FAF1: variants seen among roughly 807,000 people sequenced by gnomAD.
FAF1 encodes the protein Fas associated factor 1, also known as FAS-associated factor 1.
Under a neutral mutation model 92.5 loss-of-function variants are expected in FAF1, and 25 were observed. The ratio of observed to expected loss-of-function variants is 0.27; its 90% CI spans 0.20 to 0.38. The LOEUF is 0.38. Ranked by LOEUF, FAF1 falls within the 10% of genes least tolerant of loss-of-function variation. The probability of loss-of-function intolerance (pLI) is 1.00; values close to 1 mark genes in which losing one functional copy is unlikely to be tolerated. For missense variants in FAF1, 636 were observed against 793.3 expected, an observed-to-expected ratio of 0.80 and a Z score of 2.38; for synonymous variants, 234 against 273.2, an observed-to-expected ratio of 0.86 and a Z score of 1.42.
intron 17 of FAF1, among the ~76,000 whole-genome samples, chr1:50,487,486 C>T (rs896436626): frequency 2.0e-4 from 30 of 152,212 alleles, no homozygotes; most frequent in African/African-American, 7.0e-4. Flanking sequence ...ATGTAAGTTT[C>T]TTGAAACTGA....
chr1:50,705,875 A>G lies in FAF1; in HGVS notation c.568T>C (p.Leu190=). ...ATGATCAGCATGAAGTTTTGATTTAATGACTCCTGCAGGGCACTGAAAGGG... is the reference window on the plus strand; with the variant it reads ...ATGATCAGCATGAAGTTTTGATTTAGTGACTCCTGCAGGGCACTGAAAGGG... The part of the protein sequence containing the change: ...SSHAGALQES[L]NQNFMLIITH... The change falls in exon 7 of 19, where the codon TTA becomes CTA. Residue 190 remains leucine (L), a synonymous_variant. Coordinates refer to ENST00000396153, the MANE Select transcript of FAF1 (RefSeq NM_007051.3). 1 of 1,609,736 alleles carries G rather than the reference A, an allele frequency of 6.2e-7. No homozygotes were observed. The highest frequency in any genetic ancestry group is 8.5e-7 in the Non-Finnish European group (1 of 1,176,310).
In FAF1 at chr1:50,659,395, T is replaced by C. The variant is rs537510921; in HGVS notation, c.658-3867A>G. Among the ~76,000 whole-genome samples, 5 of 152,174 alleles carry C rather than the reference T, an allele frequency of 3.3e-5. 1 individual carries two copies. Among genetic ancestry groups the C allele is most frequent in the African/African-American group, 1.2e-4 (5 of 41,508 alleles). ...GAAAGAGAGGGGGAAGGACACTGAT[T>C]GATTTGGGACTTGAGAGCACTTTAG... On this transcript the variant is annotated intron_variant, in intron 7 of 18. Coordinates refer to ENST00000396153, the MANE Select transcript of FAF1 (RefSeq NM_007051.3).
rs116412718 is a variant in FAF1, at chr1:50,752,459, G to A, written c.368-7684C>T. On this transcript the variant is annotated intron_variant, in intron 4 of 18. Transcript: ENST00000396153. ...TCACCTTATAGTCCATGTAATGTAC[G>A]TAGGCGCTTCTTTCATTCCCAATAT... 6.7e-3 allele frequency among the ~76,000 whole-genome samples: 1,015 copies of A among 152,198 alleles called. 7 individuals are homozygous for A. Among genetic ancestry groups the A allele is most frequent in the Non-Finnish European group, 0.011 (743 of 68,016 alleles).
intron 9 of FAF1, among the ~76,000 whole-genome samples, chr1:50,592,562 T>C (rs1179739565): frequency 6.6e-6 from 1 of 152,206 alleles, no homozygotes; most frequent in East Asian, 1.9e-4. Context: ...AAAGGAAATA[T>C]AACTACAATC....
intron 17 of FAF1, among the ~76,000 whole-genome samples, chr1:50,488,553 G>C (rs1361367097): frequency 6.6e-6 from 1 of 152,156 alleles, no homozygotes; most frequent in Non-Finnish European, 1.5e-5. Flanking sequence ...TATATTTCTT[G>C]AAATAGCCTA....
At chr1:50,591,436 G>A (rs1651501258) in intron 9 of FAF1, among the ~76,000 whole-genome samples, 1 of 152,146 alleles carries the variant, frequency 6.6e-6, no homozygotes, top group Non-Finnish European at 1.5e-5. Context: ...ACTTTGGAAG[G>A]GCGTGGCAGG....
intron 15 of FAF1, among the ~76,000 whole-genome samples, chr1:50,494,679 G>C (rs1332737144): frequency 1.3e-5 from 2 of 152,114 alleles, no homozygotes; most frequent in African/African-American, 4.8e-5. Context: ...TTGTGTATTT[G>C]TCTCACTGGT....
In FAF1 at chr1:50,682,093, C is replaced by A. The variant is rs1476352929; in HGVS notation, c.657+23693G>T. ...CAAGCAATCCACCCACTTTGGCCTC[C>A]CAAAGTGAAGGGATTACAGGTGTGA... On this transcript the variant is annotated intron_variant, in intron 7 of 18. Transcript: ENST00000396153. Among the ~76,000 whole-genome samples the A allele has an allele frequency of 2.0e-5, 3 of 152,058 alleles. 1 individual carries two copies. Among genetic ancestry groups the A allele is most frequent in the South Asian group, 4.2e-4 (2 of 4,812 alleles).
At chr1:50,840,652 TA>T (rs1644248485) in intron 2 of FAF1, among the ~76,000 whole-genome samples, 5 of 152,154 alleles carry the variant, frequency 3.3e-5, no homozygotes, top group Admixed American at 2.0e-4. Context: ...AAGTATTCCA[TA>T]ATGCCTAGTG....
At chr1:50,512,582 C>G (rs1450670587) in intron 15 of FAF1, among the ~76,000 whole-genome samples, 1 of 152,086 alleles carries the variant, frequency 6.6e-6, no homozygotes, top group Non-Finnish European at 1.5e-5. Flanking sequence ...TGTTCTGTTC[C>G]ATTGGTCTAT....
chr1:50,771,878 G>A (rs537344425), intron 4 of FAF1, among the ~76,000 whole-genome samples: 67 of 152,300 alleles, frequency 4.4e-4, no homozygotes, highest in African/African-American at 1.6e-3. Context: ...GCTAGCCTGG[G>A]TGATAAGAGT....
chr1:50,573,317 T>C (rs957513709), intron 12 of FAF1, among the ~76,000 whole-genome samples: 9 of 152,162 alleles, frequency 5.9e-5, no homozygotes, highest in Non-Finnish European at 8.8e-5. Flanking sequence ...CAGGCTGGTC[T>C]TGAACTCCTG....
intron 1 of FAF1, among the ~76,000 whole-genome samples, chr1:50,907,477 C>CT (rs1310341591): frequency 2.6e-5 from 4 of 152,168 alleles, no homozygotes; most frequent in African/African-American, 9.7e-5. Flanking sequence ...CCTTGTACCT[C>CT]TGGTAGAATT....
chr1:50,548,278 C>G (rs17106281), intron 13 of FAF1, among the ~76,000 whole-genome samples: 3,645 of 152,086 alleles, frequency 0.024, 148 homozygotes, highest in African/African-American at 0.083. Flanking sequence ...TTACTGGGGC[C>G]TACATTTAGT....
At chr1:50,807,238 C>A (rs1662240537) in intron 2 of FAF1, among the ~76,000 whole-genome samples, 1 of 152,192 alleles carries the variant, frequency 6.6e-6, no homozygotes, top group African/African-American at 2.4e-5. Context: ...AAAACACGGT[C>A]ACAGGTGTAT....
In FAF1 at chr1:50,477,432, T is replaced by C. The variant is rs566817873; in HGVS notation, c.1654-1753A>G. ...CAGCCCAATACTCTCATTTTTTATA[T>C]GGGGAAATTGATGCCCAGAAATGGA... is the stretch of plus-strand genomic sequence containing the variant. On this transcript the variant is annotated intron_variant, in intron 17 of 18. Coordinates refer to ENST00000396153, the MANE Select transcript of FAF1 (RefSeq NM_007051.3). Among the ~76,000 whole-genome samples the C allele has an allele frequency of 1.6e-3, 243 of 152,312 alleles. 2 individuals are homozygous for C. The highest frequency in any genetic ancestry group is 2.5e-3 in the Non-Finnish European group (173 of 68,000).
intron 9 of FAF1, among the ~76,000 whole-genome samples, chr1:50,595,892 C>G (rs1216178943): frequency 6.6e-6 from 1 of 152,086 alleles, no homozygotes; most frequent in Non-Finnish European, 1.5e-5. Context: ...TCATTTCAAC[C>G]AATCCATCTG....
intron 17 of FAF1, among the ~76,000 whole-genome samples, chr1:50,476,141 T>C (rs1379103063): frequency 2.0e-5 from 3 of 152,170 alleles, no homozygotes; most frequent in African/African-American, 4.8e-5. Context: ...TATGTCAAAA[T>C]GGAATGAGGA....
intron 1 of FAF1, among the ~76,000 whole-genome samples, chr1:50,923,882 T>C (rs1644984597): frequency 6.6e-6 from 1 of 152,230 alleles, no homozygotes; most frequent in South Asian, 2.1e-4. Context: ...AACATCCATT[T>C]CTGATAAAAA....
Sources: allele counts gnomAD v4.1 joint callset (sites outside exome capture counted in the v4.1 genomes callset), GRCh38; gene constraint gnomAD v4.1.1; transcripts MANE v1.5; gene names NCBI Gene and HGNC (gene_info 2026-07-23, HGNC 2026-07-21).